The following APBA2 variants were observed in gnomAD, a reference collection of about 807,000 sequenced individuals.
APBA2 encodes amyloid-beta A4 precursor protein-binding family A member 2.
APBA2 carries 30 observed loss-of-function variants against 75.0 expected under a neutral mutation model. That is an observed-to-expected ratio of 0.40 (90% CI 0.30 to 0.54). The LOEUF (loss-of-function observed/expected upper bound fraction) is 0.54. Ranked by LOEUF, APBA2 falls within the 20% of genes least tolerant of loss-of-function variation. The probability of loss-of-function intolerance (pLI) is 0.49; values close to 1 mark genes in which losing one functional copy is unlikely to be tolerated. For synonymous variants in APBA2, 444 were observed against 409.6 expected (o/e 1.08, Z -1.01); for missense variants, 801 against 1,016.1 (o/e 0.79, Z 2.88).
chr15:28,985,979 C>A (rs1259689011), intron 2 of APBA2, among the ~76,000 whole-genome samples: 3 of 152,180 alleles, frequency 2.0e-5, no homozygotes, highest in Admixed American at 2.0e-4. Flanking sequence ...CAGCAAGATC[C>A]TCCTGGGGGA....
rs1157094483 is a variant in APBA2 at position 29,105,446 on chromosome 15, A to G, written c.1592A>G (p.Asn531Ser). 3 of 1,613,846 alleles carry G rather than the reference A, an allele frequency of 1.9e-6. No homozygotes were observed. The highest frequency in any genetic ancestry group is 2.5e-6 in the Non-Finnish European group (3 of 1,180,024). ...SVAYQEFLRANGINPEDLSQK... is the reference protein window; with the variant it reads ...SVAYQEFLRASGINPEDLSQK... The stretch of plus-strand genomic sequence containing the variant: ...GCCTACCAGGAGTTCCTGCGAGCCA[A>G]TGGCATCAACCCCGAAGACTTGAGC... The change falls in exon 11 of 15, where the codon AAT (asparagine) becomes AGT (serine). Residue 531 changes from asparagine (N) to serine (S), a missense_variant. Coordinates refer to ENST00000683413, the MANE Select transcript of APBA2 (RefSeq NM_001353788.2).
chr15:28,984,818 C>T (rs1485331824), intron 2 of APBA2, among the ~76,000 whole-genome samples: 1 of 150,464 alleles, frequency 6.6e-6, no homozygotes, highest in African/African-American at 2.5e-5. Flanking sequence ...CTCCCCCCTC[C>T]CACTGCCATC....
chr15:29,020,283 T>TC (rs1491435997), intron 3 of APBA2, among the ~76,000 whole-genome samples: 1 of 87,606 alleles, frequency 1.1e-5, no homozygotes, highest in Admixed American at 1.2e-4. Flanking sequence ...GTTTTAGGTG[T>TC]TTTTTTTTTT....
chr15:29,100,053 G>A (rs1434057881), intron 9 of APBA2, among the ~76,000 whole-genome samples: 1 of 152,186 alleles, frequency 6.6e-6, no homozygotes, highest in African/African-American at 2.4e-5. Context: ...TGGAGAGGAG[G>A]GAACAGGTGA....
rs559502141 is a variant in APBA2, at chr15:29,072,410, T to G, written c.952-2511T>G. Among the ~76,000 whole-genome samples the G allele has an allele frequency of 3.3e-5, 5 of 152,308 alleles. No individual in the cohort carries two copies. The East Asian group carries it at 9.6e-4, about 29-fold the overall frequency. The stretch of plus-strand genomic sequence containing the variant: ...GGGGGATGTCCCAAATAAGGTTTAC[T>G]TTAGGAGAATGTGAGCGGCATCTGA... On this transcript the variant is annotated intron_variant, in intron 4 of 14. Coordinates refer to ENST00000683413, the MANE Select transcript of APBA2 (RefSeq NM_001353788.2).
chr15:29,013,435 G>A (rs1047511903), intron 3 of APBA2, among the ~76,000 whole-genome samples: 3 of 151,884 alleles, frequency 2.0e-5, no homozygotes, highest in African/African-American at 7.2e-5. Flanking sequence ...GCCCGCCACC[G>A]CGCCTGGCCA....
rs574358367 is a variant in APBA2, at chr15:29,114,069, C to T, written c.2178+53C>T. The T allele has an allele frequency of 1.3e-4, 204 of 1,612,632 alleles. 1 individual carries two copies. Among genetic ancestry groups the T allele is most frequent in the Non-Finnish European group, 1.5e-4 (181 of 1,179,702 alleles). Reference sequence around the variant, plus strand: ...GCATGCCGGTTCCCACGTGCTCCCGCCTGCCCTCCATGAGCCTCCCCCGCT... The same window carrying T: ...GCATGCCGGTTCCCACGTGCTCCCGTCTGCCCTCCATGAGCCTCCCCCGCT... On this transcript the variant is annotated intron_variant, in intron 14 of 14. Coordinates refer to ENST00000683413, the MANE Select transcript of APBA2 (RefSeq NM_001353788.2).
At chr15:28,932,927 C>T (rs2034639706) in intron 2 of APBA2, among the ~76,000 whole-genome samples, 2 of 152,034 alleles carry the variant, frequency 1.3e-5, no homozygotes, top group Admixed American at 6.5e-5. Flanking sequence ...TTATAATGAA[C>T]AGAACATTAT....
In APBA2 at chr15:28,960,247, G is replaced by T. The variant is rs1031802551; in HGVS notation, c.-94-35506G>T. Among the ~76,000 whole-genome samples the T allele has an allele frequency of 4.0e-5, 6 of 151,608 alleles. No individual in the cohort carries two copies. The South Asian group carries it at 8.3e-4, about 21-fold the overall frequency. On this transcript the variant is annotated intron_variant, in intron 2 of 14. Coordinates refer to ENST00000683413, the MANE Select transcript of APBA2 (RefSeq NM_001353788.2). Reference sequence around the variant, plus strand: ...AAGCAGAGGCAGGAGTACTGCTTGAGGCCAGGAGTTCAAAACCAGCCTGAG... The same window carrying T: ...AAGCAGAGGCAGGAGTACTGCTTGATGCCAGGAGTTCAAAACCAGCCTGAG...
At chr15:29,090,888 G>A (rs2043531337) in intron 6 of APBA2, among the ~76,000 whole-genome samples, 1 of 152,166 alleles carries the variant, frequency 6.6e-6, no homozygotes, top group South Asian at 2.1e-4. Flanking sequence ...AGGCAGCACA[G>A]GGCATGTCTG....
chr15:29,022,160 A>G (rs1348855408), intron 3 of APBA2, among the ~76,000 whole-genome samples: 1 of 152,196 alleles, frequency 6.6e-6, no homozygotes, highest in Non-Finnish European at 1.5e-5. Flanking sequence ...TATGCCCAGC[A>G]GTAGGATTGC....
intron 1 of APBA2, among the ~76,000 whole-genome samples, chr15:28,899,990 A>C (rs1261108521): frequency 6.6e-6 from 1 of 152,012 alleles, no homozygotes; most frequent in Non-Finnish European, 1.5e-5. Context: ...GCAGGGCAGG[A>C]GTGGAGGGTC....
chr15:29,104,354 G>T (rs753968600), intron 10 of APBA2, among the ~76,000 whole-genome samples: 8 of 152,194 alleles, frequency 5.3e-5, no homozygotes, highest in Non-Finnish European at 1.2e-4. Flanking sequence ...CACCAAGGCC[G>T]CCAAGAGCCC....
At chr15:28,908,364 A>G (rs956249936) in intron 1 of APBA2, among the ~76,000 whole-genome samples, 20 of 147,114 alleles carry the variant, frequency 1.4e-4, no homozygotes, top group Admixed American at 3.3e-4. Context: ...AGGCTGGAGT[A>G]CAGTGGCGCA....
chr15:29,037,433 C>T (rs984975416), intron 3 of APBA2, among the ~76,000 whole-genome samples: 6 of 152,214 alleles, frequency 3.9e-5, no homozygotes, highest in Admixed American at 1.3e-4. Flanking sequence ...TGTGAATCAT[C>T]GTGTGAGATT....
chr15:28,988,779 G>A (rs966933002), intron 2 of APBA2, among the ~76,000 whole-genome samples: 3 of 152,242 alleles, frequency 2.0e-5, no homozygotes, highest in Non-Finnish European at 2.9e-5. Context: ...CTCTGTGAAC[G>A]TGAGCTGGAT....
At chr15:29,052,360 C>T (rs1017978836) in intron 3 of APBA2, among the ~76,000 whole-genome samples, 10 of 148,494 alleles carry the variant, frequency 6.7e-5, no homozygotes, top group African/African-American at 2.3e-4. Flanking sequence ...GAGGCTGAGG[C>T]AGGAGAATGG....
chr15:29,111,608 G>T (rs1446841372), intron 13 of APBA2, among the ~76,000 whole-genome samples: 1 of 152,094 alleles, frequency 6.6e-6, no homozygotes, highest in East Asian at 1.9e-4. Flanking sequence ...GGCCCTTCAG[G>T]CCCCCAGGTG....
intron 2 of APBA2, among the ~76,000 whole-genome samples, chr15:28,984,755 T>TCTC (rs1555386641): frequency 0.018 from 2,552 of 144,944 alleles, 75 homozygotes; most frequent in African/African-American, 0.065. Flanking sequence ...TCTATCTCTC[T>TCTC]CCCCCCCCAC....
Sources: allele counts gnomAD v4.1 joint callset (sites outside exome capture counted in the v4.1 genomes callset), GRCh38; gene constraint gnomAD v4.1.1; transcripts MANE v1.5; gene names NCBI Gene and HGNC (gene_info 2026-07-23, HGNC 2026-07-21).